Variants in SSH3 observed in about 807,000 individuals in gnomAD.
SSH3 encodes protein phosphatase Slingshot homolog 3.
Under a neutral mutation model 75.0 loss-of-function variants are expected in SSH3, and 67 were observed. The ratio of observed to expected loss-of-function variants is 0.89; its 90% CI spans 0.73 to 1.10. SSH3 has a LOEUF of 1.10. Ranked by LOEUF, SSH3 falls within the 50% of genes least tolerant of loss-of-function variation. SSH3 has a pLI of 0.00. For synonymous variants in SSH3, 318 were observed against 349.2 expected, an observed-to-expected ratio of 0.91 and a Z score of 1.00; for missense variants, 824 against 872.7, an observed-to-expected ratio of 0.94 and a Z score of 0.70.
rs1247064190 is a variant in SSH3, at chr11:67,307,044, C to A, written c.467C>A (p.Ser156Tyr). 5.6e-6 allele frequency: 9 copies of A among 1,613,888 alleles called. No homozygotes were observed. Among genetic ancestry groups the A allele is most frequent in the Non-Finnish European group, 7.6e-6 (9 of 1,179,960 alleles). ...LLGVDFPDSS[S>Y]PSCTLGLVLP... ...GCTTTCCCTCTGTCCCCTGCCAGCTCCCCCAGCTGCACCCTGGGCCTGGTC... is the reference window on the plus strand; with the variant it reads ...GCTTTCCCTCTGTCCCCTGCCAGCTACCCCAGCTGCACCCTGGGCCTGGTC... The change falls in exon 5 of 14, where the codon TCC becomes TAC. Residue 156 changes from serine to tyrosine, a missense_variant and splice_region_variant. Ser to Tyr is a moderately radical substitution (Grantham distance 144). Transcript: ENST00000308127. This position sits in a 1 kb window ranked among gnomAD's most constrained non-coding sequence, Gnocchi z 4.2.
At chr11:67,304,352 C>A (rs911331800) in intron 2 of SSH3, among the ~76,000 whole-genome samples, 197 bp downstream of exon 2, 7 of 152,222 alleles carry the variant, frequency 4.6e-5, no homozygotes, top group Admixed American at 1.3e-4. Flanking sequence ...CACCCTCCCC[C>A]TGGTCAGCTG....
chr11:67,312,238 T>G lies in SSH3; in HGVS notation c.*351T>G. Reference sequence around the variant, plus strand: ...CTGTGGCACGGAATGAAAACAGAGCTTCCCGTGCAAAAAGGGTCACGCCTC... The same window carrying G: ...CTGTGGCACGGAATGAAAACAGAGCGTCCCGTGCAAAAAGGGTCACGCCTC... On this transcript the variant is annotated 3_prime_UTR_variant, in exon 14 of 14. Transcript: ENST00000308127. 3.7e-6 allele frequency: 1 copy of G among 273,340 alleles called. No homozygotes were observed. The highest frequency in any genetic ancestry group is 6.9e-6 in the Non-Finnish European group (1 of 144,096). The allele number at this position is 273,340 out of a possible 1,614,324, so 16.9% of individuals were successfully genotyped here.
At chr11:67,304,230 C>A in intron 2 of SSH3, 75 bp downstream of exon 2, 1 of 1,220,670 alleles carries the variant, frequency 8.2e-7, no homozygotes, top group Non-Finnish European at 1.2e-6. Flanking sequence ...GCTCCAGCTG[C>A]AGGGACAGAA....
Position 67,308,437 on chromosome 11 carries a change from T to C in SSH3, c.1040T>C (p.Leu347Pro), listed in dbSNP as rs1221395697. Residue 347 changes from leucine (L) to proline (P), a missense_variant, in exon 10 of 14, where the codon CTG (leucine) becomes CCG (proline). Transcript: ENST00000308127. The surrounding 1 kb of genome is among the most constrained non-coding windows in gnomAD (Gnocchi z 4.9). ...GGCTCAGAGTGGAACGCAGCAAACC[T>C]GGAGGAGCTGCAGAGGAACAGGTAG... ...YLGSEWNAAN[L>P]EELQRNRVTH... 1.0e-5 allele frequency: 16 copies of C among 1,603,492 alleles called. No individual in the cohort carries two copies. The highest frequency in any genetic ancestry group is 1.3e-5 in the Non-Finnish European group (15 of 1,175,144).
chr11:67,305,221 C>T lies in SSH3; in HGVS notation c.339+214C>T, dbSNP rs572234351. On this transcript the variant is annotated intron_variant, in intron 3 of 13. Transcript: ENST00000308127. ...TTTTTTTTTGAGATGGAGTCTCGCT[C>T]TGTTGCCCAGGCTGGAGTGCAGTGG... Among the ~76,000 whole-genome samples, 17 of 151,918 alleles carry T rather than the reference C, an allele frequency of 1.1e-4. No individual in the cohort carries two copies. The East Asian group carries it at 2.5e-3, about 23-fold the overall frequency.
At position 67,309,499 on chromosome 11, in the gene SSH3, G is replaced by A. The variant is rs773625008; in HGVS notation, c.1164G>A (p.Leu388=). 4 of 1,614,120 alleles carry A rather than the reference G, an allele frequency of 2.5e-6. No homozygotes were observed. The highest frequency in any genetic ancestry group is 3.4e-6 in the Non-Finnish European group (4 of 1,180,042). The part of the protein sequence containing the change: ...VRLWDEESAQ[L]LPHWKETHRF... Reference sequence around the variant, plus strand: ...TCTGGGATGAGGAGTCGGCCCAGCTGCTGCCGCACTGGAAGGAGACGCACC... The same window carrying A: ...TCTGGGATGAGGAGTCGGCCCAGCTACTGCCGCACTGGAAGGAGACGCACC... The change falls in exon 11 of 14, where the codon CTG becomes CTA. Residue 388 remains leucine (L), a synonymous_variant. Transcript: ENST00000308127.
chr11:67,308,026 C>T lies in SSH3; in HGVS notation c.885+87C>T, dbSNP rs1257000950. 13 of 1,599,526 alleles carry T rather than the reference C, an allele frequency of 8.1e-6. 1 individual carries two copies. The East Asian group carries it at 2.5e-4, about 30-fold the overall frequency. On this transcript the variant is annotated intron_variant, in intron 8 of 13. Coordinates refer to ENST00000308127, the MANE Select transcript of SSH3 (RefSeq NM_017857.4). This position sits in a 1 kb window ranked among gnomAD's most constrained non-coding sequence, Gnocchi z 4.9. ...GGAGCCCTCCCCACCTTGCCTGTCT[C>T]CAGTCCTGAGCCATTCCTGGATGCC...
At chr11:67,309,642 A>G in intron 11 of SSH3, 99 bp downstream of exon 11, 2 of 1,574,176 alleles carry the variant, frequency 1.3e-6, no homozygotes, top group Non-Finnish European at 1.7e-6. Context: ...CATTCCTTCC[A>G]GCCCTCAGTG....
intron 3 of SSH3, 88 bp from the exon 4 acceptor site, chr11:67,306,750 G>A (rs1020027654): frequency 7.0e-7 from 1 of 1,437,088 alleles, no homozygotes; most frequent in Non-Finnish European, 9.4e-7. Context: ...GAAGGAGCAG[G>A]GTCAGCACTG....
chr11:67,308,461 A>T lies in SSH3; in HGVS notation c.1061+3A>T. 2 of 1,586,654 alleles carry T rather than the reference A, an allele frequency of 1.3e-6. No homozygotes were observed. The highest frequency in any genetic ancestry group is 1.7e-6 in the Non-Finnish European group (2 of 1,166,914). ...CTGGAGGAGCTGCAGAGGAACAGGTAGGGCTATGAGCCCCTCGGGCCACCC... is the reference window on the plus strand; with the variant it reads ...CTGGAGGAGCTGCAGAGGAACAGGTTGGGCTATGAGCCCCTCGGGCCACCC... On this transcript the variant is annotated splice_donor_region_variant and intron_variant, in intron 10 of 13. Transcript: ENST00000308127. This position sits in a 1 kb window ranked among gnomAD's most constrained non-coding sequence, Gnocchi z 4.9.
At position 67,311,891 on chromosome 11, in the gene SSH3, C is replaced by T; in HGVS notation, c.*4C>T. On this transcript the variant is annotated 3_prime_UTR_variant, in exon 14 of 14. Transcript: ENST00000308127. ...TGGAGAGGAGGGCGAGGCCTGAGCCCTCACACATGCCCACGCTCCCCTGAC... is the reference window on the plus strand; with the variant it reads ...TGGAGAGGAGGGCGAGGCCTGAGCCTTCACACATGCCCACGCTCCCCTGAC... 6.2e-7 allele frequency: 1 copy of T among 1,608,018 alleles called. No individual in the cohort carries two copies. The highest frequency in any genetic ancestry group is 8.5e-7 in the Non-Finnish European group (1 of 1,178,862).
At position 67,307,271 on chromosome 11, in the gene SSH3, C is replaced by T. The variant is rs1166005251; in HGVS notation, c.537-100C>T. On this transcript the variant is annotated intron_variant, in intron 5 of 13. Coordinates refer to ENST00000308127, the MANE Select transcript of SSH3 (RefSeq NM_017857.4). This position sits in a 1 kb window ranked among gnomAD's most constrained non-coding sequence, Gnocchi z 4.2. ...AGATTCACCGTGATCCTGAGCAAGG[C>T]ACCTGACTCCTGGGTCTCGGCTTCC... The T allele has an allele frequency of 1.9e-6, 3 of 1,571,018 alleles. No homozygotes were observed. The highest frequency in any genetic ancestry group is 2.6e-6 in the Non-Finnish European group (3 of 1,159,936).
intron 1 of SSH3, 59 bp downstream of exon 1, chr11:67,303,750 G>A: frequency 1.4e-6 from 2 of 1,405,462 alleles, no homozygotes; most frequent in Admixed American, 3.0e-5. Context: ...TTGGGAGCGC[G>A]TCCTGCCCGC....
chr11:67,307,978 G>A lies in SSH3; in HGVS notation c.885+39G>A. The A allele has an allele frequency of 6.2e-7, 1 of 1,612,536 alleles. No homozygotes were observed. The highest frequency in any genetic ancestry group is 8.5e-7 in the Non-Finnish European group (1 of 1,179,056). On this transcript the variant is annotated intron_variant, in intron 8 of 13. Coordinates refer to ENST00000308127, the MANE Select transcript of SSH3 (RefSeq NM_017857.4). This position sits in a 1 kb window ranked among gnomAD's most constrained non-coding sequence, Gnocchi z 4.2. The stretch of plus-strand genomic sequence containing the variant: ...CCGGGGACTGAGTCCCCTCTAGCAG[G>A]GGCTGCAAGCTTGCCTTTCCTGGGA...
chr11:67,304,713 T>G, intron 2 of SSH3, 60 bp from the exon 3 acceptor site: 1 of 1,514,074 alleles, frequency 6.6e-7, no homozygotes, highest in Non-Finnish European at 9.0e-7. Context: ...ATGCTAGACT[T>G]TGAGAGCCCC....
At position 67,309,925 on chromosome 11, in the gene SSH3, T is replaced by C. The variant is rs776305127; in HGVS notation, c.1366T>C (p.Phe456Leu). The C allele has an allele frequency of 6.2e-7, 1 of 1,611,012 alleles. No homozygotes were observed. The highest frequency in any genetic ancestry group is 8.5e-7 in the Non-Finnish European group (1 of 1,179,976). ...LRPIARPNPGFLRQLQIYQGI... is the reference protein window; with the variant it reads ...LRPIARPNPGLLRQLQIYQGI... ...GCCCATCGCCCGCCCCAACCCTGGCTTCCTGCGCCAGCTGCAGATCTACCA... is the reference window on the plus strand; with the variant it reads ...GCCCATCGCCCGCCCCAACCCTGGCCTCCTGCGCCAGCTGCAGATCTACCA... Residue 456 changes from phenylalanine to leucine, a missense_variant, in exon 12 of 14, where the codon TTC becomes CTC. Physicochemically the swap from Phe to Leu is conservative, Grantham distance 22 (BLOSUM62 0). Coordinates refer to ENST00000308127, the MANE Select transcript of SSH3 (RefSeq NM_017857.4).
In SSH3 at chr11:67,307,914, A is replaced by G; in HGVS notation, c.860A>G (p.Asp287Gly). Residue 287 changes from aspartate (D) to glycine (G), a missense_variant, in exon 8 of 14, where the codon GAC (aspartate) becomes GGC (glycine). Transcript: ENST00000308127. The surrounding 1 kb of genome is among the most constrained non-coding windows in gnomAD (Gnocchi z 4.2). ...CTGTGGAAAGTGTTGGATGTCAGTG[A>G]CCTGGAGAGTGTCACTTCCAAAGAG... Reference protein sequence around the residue: ...AELWKVLDVSDLESVTSKEIR... With the variant: ...AELWKVLDVSGLESVTSKEIR... 1.9e-6 allele frequency: 3 copies of G among 1,614,198 alleles called. No individual in the cohort carries two copies. Among genetic ancestry groups the G allele is most frequent in the Non-Finnish European group, 2.5e-6 (3 of 1,180,016 alleles).
In SSH3 at chr11:67,304,871, C is replaced by T. The variant is rs756039476; in HGVS notation, c.203C>T (p.Ala68Val). The T allele has an allele frequency of 5.6e-6, 9 of 1,613,706 alleles. No individual in the cohort carries two copies. In the Admixed American group the frequency reaches 1.5e-4, roughly 27 times the overall value. ...AEASSEPTEK[A>V]PSEEELHGDQ... Reference sequence around the variant, plus strand: ...GCCAGTTCTGAGCCAACAGAGAAGGCCCCGAGTGAGGAGGAGCTCCACGGG... The same window carrying T: ...GCCAGTTCTGAGCCAACAGAGAAGGTCCCGAGTGAGGAGGAGCTCCACGGG... The change falls in exon 3 of 14, where the codon GCC (alanine) becomes GTC (valine). Residue 68 changes from alanine to valine, a missense_variant. Physicochemically the swap from Ala to Val is moderately conservative, Grantham distance 64 (BLOSUM62 0). Transcript: ENST00000308127.
In SSH3 at chr11:67,312,022, C is replaced by T. The variant is rs1565091655; in HGVS notation, c.*135C>T. ...CCGTCACTACAGCCTCACCTCCCAC[C>T]CCTGTCACTACGGCCTCACCTCCCA... On this transcript the variant is annotated 3_prime_UTR_variant, in exon 14 of 14. Coordinates refer to ENST00000308127, the MANE Select transcript of SSH3 (RefSeq NM_017857.4). 2 of 1,186,948 alleles carry T rather than the reference C, an allele frequency of 1.7e-6. No homozygotes were observed. Among genetic ancestry groups the T allele is most frequent in the Non-Finnish European group, 1.1e-6 (1 of 886,224 alleles). The allele number at this position is 1,186,948 out of a possible 1,614,324, so 73.5% of individuals were successfully genotyped here.
Sources: gnomAD v4.1 joint callset for allele counts (sites outside exome capture counted in the v4.1 genomes callset) on GRCh38, gnomAD v4.1.1 for gene constraint, Gnocchi (gnomAD v3.1) non-coding constraint, MANE v1.5 for transcripts, NCBI Gene and HGNC (gene_info 2026-07-23, HGNC 2026-07-21) for gene names.